PCDH7: variants seen among roughly 807,000 people sequenced by gnomAD.
PCDH7 encodes the protein protocadherin 7, also known as protocadherin-7.
PCDH7 carries 17 observed loss-of-function variants against 58.9 expected under a neutral mutation model. The observed-to-expected ratio is 0.29, with a 90% confidence interval of 0.20 to 0.43. The LOEUF is 0.43. Ranked by LOEUF, PCDH7 falls within the 20% of genes least tolerant of loss-of-function variation. PCDH7 has a pLI of 1.00. For missense variants in PCDH7, 1,274 were observed against 1,441.0 expected, an observed-to-expected ratio of 0.88 and a Z score of 1.88; for synonymous variants, 664 against 616.4, an observed-to-expected ratio of 1.08 and a Z score of -1.14.
At chr4:31,038,454 A>G (rs1424477851) in intron 3 of PCDH7, among the ~76,000 whole-genome samples, 1 of 152,218 alleles carries the variant, frequency 6.6e-6, no homozygotes, top group Non-Finnish European at 1.5e-5. Context: ...CAAAATAAAT[A>G]CAAAGGTAGC....
intron 3 of PCDH7, among the ~76,000 whole-genome samples, chr4:31,065,028 A>G (rs1006184648): frequency 6.6e-6 from 1 of 151,978 alleles, no homozygotes; most frequent in Non-Finnish European, 1.5e-5. Context: ...AAAGTTAAAG[A>G]GTTTTAATTT....
At chr4:30,885,431 G>C (rs1321843378) in intron 1 of PCDH7, among the ~76,000 whole-genome samples, 2 of 152,020 alleles carry the variant, frequency 1.3e-5, no homozygotes, top group African/African-American at 4.8e-5. Context: ...CACTAATATT[G>C]GCACATGGTT....
chr4:30,742,640 A>G (rs779030391), intron 1 of PCDH7, among the ~76,000 whole-genome samples: 27 of 152,156 alleles, frequency 1.8e-4, no homozygotes, highest in Non-Finnish European at 2.9e-4. Flanking sequence ...TAATTATTAT[A>G]TCATGCATAT....
At chr4:31,066,369 C>T (rs922897991) in intron 3 of PCDH7, among the ~76,000 whole-genome samples, 12 of 151,706 alleles carry the variant, frequency 7.9e-5, no homozygotes, top group African/African-American at 2.9e-4. Flanking sequence ...TATATTAAGT[C>T]ACCCCTCCTT....
intron 1 of PCDH7, among the ~76,000 whole-genome samples, chr4:30,868,643 TGTAA>T (rs1735172873): frequency 6.6e-6 from 1 of 152,112 alleles, no homozygotes; most frequent in Non-Finnish European, 1.5e-5. Flanking sequence ...TCTATGTTTA[TGTAA>T]GTGTGACTGA....
At chr4:31,041,045 G>A (rs887734502) in intron 3 of PCDH7, among the ~76,000 whole-genome samples, 19 of 152,096 alleles carry the variant, frequency 1.2e-4, no homozygotes, top group Non-Finnish European at 2.2e-4. Context: ...TCTGTTTACC[G>A]GGGCTTGCAT....
chr4:30,860,659 T>C (rs1734089734), intron 1 of PCDH7, among the ~76,000 whole-genome samples: 1 of 152,146 alleles, frequency 6.6e-6, no homozygotes, highest in Non-Finnish European at 1.5e-5. Flanking sequence ...AAAAACAGCG[T>C]CATCTGCCTT....
chr4:30,879,970 G>C (rs1736758109), intron 1 of PCDH7, among the ~76,000 whole-genome samples: 1 of 152,030 alleles, frequency 6.6e-6, no homozygotes, highest in Non-Finnish European at 1.5e-5. Flanking sequence ...GCATACTTCA[G>C]TTTTTAACAG....
intron 3 of PCDH7, among the ~76,000 whole-genome samples, chr4:31,077,191 A>G (rs943152935): frequency 1.3e-5 from 2 of 152,090 alleles, no homozygotes; most frequent in Non-Finnish European, 2.9e-5. Flanking sequence ...CGAGCAGATC[A>G]CCTGAGGTCA....
At position 30,744,281 on chromosome 4, in the gene PCDH7, T is replaced by TA. The variant is rs200348557; in HGVS notation, c.70+19692dup. ...TAACAGACTAACAAATTTACATTTT[T>TA]AAAAAAATCAGCAAGTTTCCAACAT... is the stretch of plus-strand genomic sequence containing the variant. On this transcript the variant is annotated intron_variant, in intron 1 of 3. Transcript: ENST00000509759. Among the ~76,000 whole-genome samples, 502 of 152,272 alleles carry TA rather than the reference T, an allele frequency of 3.3e-3. 6 individuals are homozygous for TA. The highest frequency in any genetic ancestry group is 0.023 in the Admixed American group (344 of 15,284).
intron 1 of PCDH7, among the ~76,000 whole-genome samples, chr4:30,763,930 GA>G (rs1425452088): frequency 3.3e-5 from 5 of 152,164 alleles, no homozygotes; most frequent in African/African-American, 1.2e-4. Context: ...CTGAGCAACT[GA>G]AAGAGGTGCT....
At chr4:31,116,800 A>T (rs184760330) in intron 3 of PCDH7, among the ~76,000 whole-genome samples, 41 of 152,282 alleles carry the variant, frequency 2.7e-4, no homozygotes, top group Admixed American at 2.4e-3. Context: ...ATTATCTAAC[A>T]TTCAAACTGA....
At chr4:30,936,632 T>G (rs79111485) in intron 2 of PCDH7, among the ~76,000 whole-genome samples, 1 of 82,538 alleles carries the variant, frequency 1.2e-5, no homozygotes, top group South Asian at 3.6e-4. Context: ...CCACAATGCA[T>G]TTTTTTTTTG....
chr4:31,007,443 C>T (rs777878825), intron 3 of PCDH7, among the ~76,000 whole-genome samples: 5 of 152,176 alleles, frequency 3.3e-5, no homozygotes, highest in Non-Finnish European at 5.9e-5. Context: ...GTCAATTGTT[C>T]GCATTGCAAA....
chr4:31,075,249 T>C (rs1758889592), intron 3 of PCDH7, among the ~76,000 whole-genome samples: 1 of 152,174 alleles, frequency 6.6e-6, no homozygotes, highest in Non-Finnish European at 1.5e-5. Context: ...AAGTGGTTCT[T>C]TTGCATGGTA....
chr4:30,883,838 T>G (rs1737322843), intron 1 of PCDH7, among the ~76,000 whole-genome samples: 1 of 152,236 alleles, frequency 6.6e-6, no homozygotes. Flanking sequence ...TGTGCAAATT[T>G]GAATGATCAA....
intron 3 of PCDH7, among the ~76,000 whole-genome samples, chr4:31,075,717 A>T (rs932171796): frequency 1.3e-5 from 2 of 152,138 alleles, no homozygotes; most frequent in African/African-American, 4.8e-5. Context: ...GTTGTATCTC[A>T]TGGGGGATAA....
chr4:30,747,274 A>T (rs1269666142), intron 1 of PCDH7, among the ~76,000 whole-genome samples: 1 of 152,250 alleles, frequency 6.6e-6, no homozygotes, highest in Non-Finnish European at 1.5e-5. Context: ...GCGTCTAATT[A>T]TAATTTTCCA....
At chr4:30,819,559 A>C (rs1266167623) in intron 1 of PCDH7, among the ~76,000 whole-genome samples, 1 of 152,160 alleles carries the variant, frequency 6.6e-6, no homozygotes, top group African/African-American at 2.4e-5. Context: ...GCTAAGGACA[A>C]ATTAAATGAT....
Sources: gnomAD v4.1 joint callset for allele counts (sites outside exome capture counted in the v4.1 genomes callset) on GRCh38, gnomAD v4.1.1 for gene constraint, MANE v1.5 for transcripts, NCBI Gene and HGNC (gene_info 2026-07-23, HGNC 2026-07-21) for gene names.